The following WIPI2 variants were observed in gnomAD, a reference collection of about 807,000 sequenced individuals.
The protein encoded by WIPI2 is WD repeat domain phosphoinositide-interacting protein 2.
A neutral mutation model predicts 52.3 loss-of-function variants in WIPI2; 28 were observed. The ratio of observed to expected loss-of-function variants is 0.54; its 90% CI spans 0.40 to 0.73. WIPI2 has a LOEUF of 0.73. Among genes scored for constraint, WIPI2 ranks in the 30% least tolerant of loss-of-function variants. WIPI2 has a pLI of 0.00. For synonymous variants in WIPI2, 268 were observed against 245.0 expected, an observed-to-expected ratio of 1.09 and a Z score of -0.88; for missense variants, 506 against 602.9, an observed-to-expected ratio of 0.84 and a Z score of 1.68.
intron 8 of WIPI2, among the ~76,000 whole-genome samples, chr7:5,223,616 C>G (rs1783263454): frequency 6.6e-6 from 1 of 152,218 alleles, no homozygotes. Flanking sequence ...TCACCCAACC[C>G]CCTTCCTCAC....
Position 5,227,258 on chromosome 7 carries a change from A to G in WIPI2, c.927A>G (p.Gln309=). 2 of 1,613,862 alleles carry G rather than the reference A, an allele frequency of 1.2e-6. No homozygotes were observed. The highest frequency in any genetic ancestry group is 1.7e-6 in the Non-Finnish European group (2 of 1,180,014). The part of the protein sequence containing the change: ...LMASTSYLPS[Q]VTEMFNQGRA... ...CCTCCACCAGCTACCTGCCTTCCCAAGTGACAGAAATGTTCAACCAGGGCA... is the reference window on the plus strand; with the variant it reads ...CCTCCACCAGCTACCTGCCTTCCCAGGTGACAGAAATGTTCAACCAGGGCA... The change falls in exon 10 of 13, where the codon CAA becomes CAG. Residue 309 remains glutamine, a synonymous_variant. Transcript: ENST00000288828. The surrounding 1 kb of genome is among the most constrained non-coding windows in gnomAD (Gnocchi z 8.1).
rs145009252 is a variant in WIPI2, at chr7:5,209,338, G to C, written c.212-5197G>C. On this transcript the variant is annotated intron_variant, in intron 3 of 12. Coordinates refer to ENST00000288828, the MANE Select transcript of WIPI2 (RefSeq NM_015610.4). ...TAAGACCTCGAGCACAAAGTAAGGA[G>C]AGTGGGTATCCTTGCCTTGTTTCTA... is the stretch of plus-strand genomic sequence containing the variant. 1.2e-3 allele frequency among the ~76,000 whole-genome samples: 189 copies of C among 152,278 alleles called. 5 individuals are homozygous for C. The East Asian group carries it at 0.032, about 26-fold the overall frequency.
intron 3 of WIPI2, among the ~76,000 whole-genome samples, chr7:5,202,203 A>G (rs1684874439): frequency 6.6e-6 from 1 of 152,180 alleles, no homozygotes; most frequent in African/African-American, 2.4e-5. Flanking sequence ...TCTTAGAGAA[A>G]AACAAGATGG....
chr7:5,220,358 G>C (rs934786825), intron 7 of WIPI2, among the ~76,000 whole-genome samples: 3 of 150,860 alleles, frequency 2.0e-5, no homozygotes, highest in Non-Finnish European at 4.4e-5. Context: ...TTCTCCTGCC[G>C]CAGCCTCCTG....
At chr7:5,218,067 T>A in intron 7 of WIPI2, 53 bp downstream of exon 7, 1 of 1,588,778 alleles carries the variant, frequency 6.3e-7, no homozygotes, top group Non-Finnish European at 8.6e-7. Flanking sequence ...CCACAGACTT[T>A]TTCAGTTCTG....
rs562312726 is a variant in WIPI2 at position 5,220,467 on chromosome 7, C to T, written c.670-2135C>T. ...CGTTGGCCAGGCTGGTCGTGAACTC[C>T]TGACCTCGTGATCCACCCGCCTTGG... On this transcript the variant is annotated intron_variant, in intron 7 of 12. Coordinates refer to ENST00000288828, the MANE Select transcript of WIPI2 (RefSeq NM_015610.4). Among the ~76,000 whole-genome samples, 7 of 151,880 alleles carry T rather than the reference C, an allele frequency of 4.6e-5. No homozygotes were observed. In the South Asian group the frequency reaches 1.5e-3, roughly 32 times the overall value.
intron 7 of WIPI2, among the ~76,000 whole-genome samples, chr7:5,219,618 T>C (rs1039755165): frequency 3.9e-5 from 6 of 152,210 alleles, no homozygotes; most frequent in African/African-American, 1.4e-4. Flanking sequence ...CTTGCGGTCA[T>C]GTGGCAACAA....
rs537021442 is a variant in WIPI2, at chr7:5,228,257, G to C, written c.1121+46G>C. ...TCACGGAGCTGCTCCGTGCTGGCGGGGGGCTTTCGGGGCACCTGGCGAACG... is the reference window on the plus strand; with the variant it reads ...TCACGGAGCTGCTCCGTGCTGGCGGCGGGCTTTCGGGGCACCTGGCGAACG... On this transcript the variant is annotated intron_variant, in intron 11 of 12. Coordinates refer to ENST00000288828, the MANE Select transcript of WIPI2 (RefSeq NM_015610.4). 4.0e-6 allele frequency: 6 copies of C among 1,505,142 alleles called. No homozygotes were observed. The East Asian group carries it at 1.4e-4, about 36-fold the overall frequency. The allele number at this position is 1,505,142 out of a possible 1,614,324, so 93.2% of individuals were successfully genotyped here.
intron 2 of WIPI2, among the ~76,000 whole-genome samples, chr7:5,193,832 C>T (rs1781599969): frequency 6.6e-6 from 1 of 152,196 alleles, no homozygotes; most frequent in African/African-American, 2.4e-5. Flanking sequence ...CCTGCCTCAG[C>T]CTCCAGAGCA....
rs150877444 is a variant in WIPI2 at position 5,227,297 on chromosome 7, G to A, written c.966G>A (p.Thr322=). Residue 322 remains threonine (T), a synonymous_variant, in exon 10 of 13, where the codon ACG becomes ACA. Transcript: ENST00000288828. The surrounding 1 kb of genome is among the most constrained non-coding windows in gnomAD (Gnocchi z 8.1). The stretch of plus-strand genomic sequence containing the variant: ...TCAACCAGGGCAGAGCCTTCGCCAC[G>A]GTCCGCCTGCCATTCTGCGGCCACA... ...EMFNQGRAFA[T]VRLPFCGHKN... is the part of the protein sequence containing the mutation. 419 of 1,612,752 alleles carry A rather than the reference G, an allele frequency of 2.6e-4. No individual in the cohort carries two copies. The highest frequency in any genetic ancestry group is 1.8e-3 in the East Asian group (83 of 44,888).
chr7:5,224,872 G>T (rs1783349144), intron 8 of WIPI2, among the ~76,000 whole-genome samples: 1 of 152,206 alleles, frequency 6.6e-6, no homozygotes, highest in Non-Finnish European at 1.5e-5. Context: ...CACCGTCTCA[G>T]TCATAATTTT....
At chr7:5,205,162 G>C (rs1281149971) in intron 3 of WIPI2, among the ~76,000 whole-genome samples, 1 of 152,170 alleles carries the variant, frequency 6.6e-6, no homozygotes, top group Non-Finnish European at 1.5e-5. Flanking sequence ...TTTTAGTAGA[G>C]ACGGGGTTTC....
At chr7:5,212,246 C>T (rs1042295427) in intron 3 of WIPI2, among the ~76,000 whole-genome samples, 1 of 152,108 alleles carries the variant, frequency 6.6e-6, no homozygotes, top group African/African-American at 2.4e-5. Context: ...CTCAGACCAT[C>T]AGTCCAGCAG....
At chr7:5,219,387 G>C (rs1010162515) in intron 7 of WIPI2, among the ~76,000 whole-genome samples, 1 of 152,060 alleles carries the variant, frequency 6.6e-6, no homozygotes, top group African/African-American at 2.4e-5. Flanking sequence ...CACTGTTAAT[G>C]TTTCTTTAGT....
chr7:5,222,935 C>T (rs1422347778), intron 8 of WIPI2: 1 of 413,004 alleles, frequency 2.4e-6, no homozygotes, highest in East Asian at 5.4e-5. Context: ...GGTGGGCCCT[C>T]CAGTGCCCGG....
chr7:5,220,856 C>T (rs9987030), intron 7 of WIPI2, among the ~76,000 whole-genome samples: 25,831 of 151,604 alleles, frequency 0.17, 2,807 homozygotes, highest in Admixed American at 0.33. Flanking sequence ...TGCAATGGCG[C>T]GATCTCAGCT....
At chr7:5,213,665 T>TTTGTTGTTGTTG (rs149745229) in intron 3 of WIPI2, among the ~76,000 whole-genome samples, 3 of 55,870 alleles carry the variant, frequency 5.4e-5, no homozygotes, top group African/African-American at 2.2e-4. Context: ...TTTTCTTTGT[T>TTTGTTGTTGTTG]TTGTTGTTGT....
At chr7:5,199,030 C>G (rs959823795) in intron 2 of WIPI2, among the ~76,000 whole-genome samples, 3 of 151,996 alleles carry the variant, frequency 2.0e-5, no homozygotes, top group Non-Finnish European at 2.9e-5. Flanking sequence ...TTTTTGGTTT[C>G]TTTTCTTGAG....
At chr7:5,195,749 A>C (rs1781716169) in intron 2 of WIPI2, among the ~76,000 whole-genome samples, 1 of 152,180 alleles carries the variant, frequency 6.6e-6, no homozygotes, top group Admixed American at 6.6e-5. Context: ...TTCTTTAAAA[A>C]TACTCATCTA....
Sources: gnomAD v4.1 joint callset for allele counts (sites outside exome capture counted in the v4.1 genomes callset) on GRCh38, gnomAD v4.1.1 for gene constraint, Gnocchi (gnomAD v3.1) non-coding constraint, MANE v1.5 for transcripts, NCBI Gene and HGNC (gene_info 2026-07-23, HGNC 2026-07-21) for gene names.